The following XKR6 variants were observed in gnomAD, a reference collection of about 807,000 sequenced individuals.
The protein encoded by XKR6 is XK related 6.
A neutral mutation model predicts 56.7 loss-of-function variants in XKR6; 22 were observed. The observed-to-expected ratio is 0.39, with a 90% CI of 0.28 to 0.55. The LOEUF (loss-of-function observed/expected upper bound fraction) is 0.55. XKR6 is among the 20% of genes least tolerant of loss of function. The pLI, the probability that XKR6 is intolerant of heterozygous loss-of-function variation, is 0.66. For synonymous variants in XKR6, 524 were observed against 387.8 expected (o/e 1.35, Z -4.13); for missense variants, 852 against 889.0 (o/e 0.96, Z 0.53).
chr8:11,125,805 C>G (rs1275785877), intron 1 of XKR6: 1 of 152,216 alleles, frequency 6.6e-6, no homozygotes, highest in Non-Finnish European at 1.5e-5. Flanking sequence ...CTTCAGTTTA[C>G]CAAAGCCTCT....
At chr8:11,168,711 G>C (rs1351716941) in intron 1 of XKR6, among the ~76,000 whole-genome samples, 1 of 152,222 alleles carries the variant, frequency 6.6e-6, no homozygotes, top group Non-Finnish European at 1.5e-5. Flanking sequence ...AAGTTAGGTA[G>C]TTAGGGTAGG....
At position 11,107,440 on chromosome 8, in the gene XKR6, C is replaced by A. The variant is rs148117853; in HGVS notation, c.764+93136G>T. On this transcript the variant is annotated intron_variant, in intron 1 of 2. Transcript: ENST00000416569. ...CCTTGGGCAGTCCTCCTGCCTCGGC[C>A]TCCCAGAGTGCTAGGATTTTAGGCG... Among the ~76,000 whole-genome samples, 451 of 152,274 alleles carry A rather than the reference C, an allele frequency of 3.0e-3. 3 individuals are homozygous for A. The highest frequency in any genetic ancestry group is 4.0e-3 in the Non-Finnish European group (270 of 68,024).
intron 1 of XKR6, among the ~76,000 whole-genome samples, chr8:10,968,317 A>C (rs1468944750): frequency 3.3e-5 from 5 of 152,266 alleles, no homozygotes; most frequent in African/African-American, 4.8e-5. Flanking sequence ...CCATTTAAAA[A>C]ATTAGAGAAC....
intron 1 of XKR6, among the ~76,000 whole-genome samples, chr8:10,964,610 C>G (rs1802161248): frequency 6.6e-6 from 1 of 152,190 alleles, no homozygotes; most frequent in Non-Finnish European, 1.5e-5. Flanking sequence ...AAAAATGAAG[C>G]TGCCCCCTGA....
intron 1 of XKR6, among the ~76,000 whole-genome samples, chr8:11,183,363 A>G (rs1428514288): frequency 6.6e-6 from 1 of 152,170 alleles, no homozygotes; most frequent in Non-Finnish European, 1.5e-5. Context: ...CATACCTGTT[A>G]GCACTTATTG....
chr8:10,957,236 C>A (rs553355442), intron 1 of XKR6, among the ~76,000 whole-genome samples: 1 of 152,354 alleles, frequency 6.6e-6, no homozygotes, highest in South Asian at 2.1e-4. Context: ...CAGGCAGGAG[C>A]CACCTTGCCC....
At chr8:11,044,199 C>T (rs762201901) in intron 1 of XKR6, among the ~76,000 whole-genome samples, 3 of 152,186 alleles carry the variant, frequency 2.0e-5, no homozygotes, top group Non-Finnish European at 4.4e-5. Flanking sequence ...CATGTCCTTG[C>T]CTCACCTTTT....
intron 1 of XKR6, among the ~76,000 whole-genome samples, chr8:10,929,923 G>C (rs891244954): frequency 6.6e-6 from 1 of 152,174 alleles, no homozygotes; most frequent in African/African-American, 2.4e-5. Flanking sequence ...ATTGTTTAAA[G>C]CTCCTGTTCC....
At chr8:11,123,969 C>G (rs1455534397) in intron 1 of XKR6, 3 of 456,072 alleles carry the variant, frequency 6.6e-6, no homozygotes, top group Non-Finnish European at 1.3e-5. Context: ...GCTACCTGCT[C>G]AGAGGCACTG....
intron 1 of XKR6, among the ~76,000 whole-genome samples, chr8:11,176,389 G>A (rs745727656): frequency 8.5e-5 from 13 of 152,114 alleles, no homozygotes; most frequent in African/African-American, 1.4e-4. Context: ...TCTGTTACGT[G>A]TACTATGTCA....
At chr8:11,165,090 C>CCTT (rs762270947) in intron 1 of XKR6, among the ~76,000 whole-genome samples, 4 of 82,472 alleles carry the variant, frequency 4.9e-5, no homozygotes, top group African/African-American at 1.6e-4. Context: ...AGGCTATCAC[C>CCTT]TTTTTTTTTT....
At chr8:11,093,806 T>G (rs1017135315) in intron 1 of XKR6, among the ~76,000 whole-genome samples, 1 of 152,114 alleles carries the variant, frequency 6.6e-6, no homozygotes, top group Non-Finnish European at 1.5e-5. Context: ...TTTTTTGAGA[T>G]GGAGTCTCGC....
intron 2 of XKR6, among the ~76,000 whole-genome samples, chr8:10,919,309 T>G (rs1800648297): frequency 6.6e-6 from 1 of 152,222 alleles, no homozygotes; most frequent in African/African-American, 2.4e-5. Flanking sequence ...TGGAGGGGCT[T>G]TTCCTGACCC....
intron 1 of XKR6, among the ~76,000 whole-genome samples, chr8:11,093,180 C>A (rs1380402410): frequency 6.6e-6 from 1 of 152,074 alleles, no homozygotes; most frequent in Non-Finnish European, 1.5e-5. Context: ...CTCAGCCTCC[C>A]AATTAGCTGG....
chr8:11,184,152 T>C (rs2409725), intron 1 of XKR6, among the ~76,000 whole-genome samples: 46,163 of 152,058 alleles, frequency 0.3, 7,676 homozygotes, highest in Non-Finnish European at 0.37. Context: ...GGTTTCAGAG[T>C]ATAGTTTTAT....
intron 1 of XKR6, among the ~76,000 whole-genome samples, chr8:11,159,174 T>C (rs952062242): frequency 6.6e-6 from 1 of 152,230 alleles, no homozygotes; most frequent in Non-Finnish European, 1.5e-5. Context: ...GTTACTAACA[T>C]CCACCATATA....
At chr8:10,989,501 GGAA>G (rs1282386154) in intron 1 of XKR6, among the ~76,000 whole-genome samples, 1 of 152,126 alleles carries the variant, frequency 6.6e-6, no homozygotes, top group Non-Finnish European at 1.5e-5. Context: ...GAAGTCCCAG[GGAA>G]GAAGAGAAAA....
At chr8:11,127,332 C>T (rs1799859107) in intron 1 of XKR6, among the ~76,000 whole-genome samples, 1 of 152,216 alleles carries the variant, frequency 6.6e-6, no homozygotes, top group African/African-American at 2.4e-5. Flanking sequence ...CTTTTTTAAA[C>T]TTCACCACAT....
At chr8:11,106,431 G>C (rs1476619752) in intron 1 of XKR6, 1 of 152,180 alleles carries the variant, frequency 6.6e-6, no homozygotes, top group Admixed American at 6.5e-5. Context: ...GTCCATTCCT[G>C]GCCTCAAGGG....
Sources: allele counts gnomAD v4.1 joint callset (sites outside exome capture counted in the v4.1 genomes callset), GRCh38; gene constraint gnomAD v4.1.1; transcripts MANE v1.5; gene names NCBI Gene and HGNC (gene_info 2026-07-23, HGNC 2026-07-21).